Variants in MACROD2 observed in about 807,000 individuals in gnomAD.
MACROD2 encodes ADP-ribose glycohydrolase MACROD2.
In MACROD2, 36 loss-of-function variants were observed where a neutral mutation model predicts 70.4. The observed-to-expected ratio is 0.51, with a 90% CI of 0.39 to 0.68. The LOEUF is 0.68. MACROD2 is among the 30% of genes least tolerant of loss of function. The pLI is 0.00. For missense variants in MACROD2, 496 were observed against 538.4 expected (o/e 0.92, Z 0.78); for synonymous variants, 172 against 178.8 (o/e 0.96, Z 0.30).
chr20:14,513,168 A>G (rs2085049778), intron 4 of MACROD2, among the ~76,000 whole-genome samples: 1 of 152,118 alleles, frequency 6.6e-6, no homozygotes, highest in Non-Finnish European at 1.5e-5. Flanking sequence ...GCTTTTCATC[A>G]TTTGACATGA....
chr20:15,477,946 A>T (rs544723200), intron 7 of MACROD2, among the ~76,000 whole-genome samples: 2 of 152,312 alleles, frequency 1.3e-5, no homozygotes, highest in East Asian at 3.9e-4. Flanking sequence ...CAGTGACGTG[A>T]GGAAAAAGCC....
At chr20:14,529,609 G>T (rs917857856) in intron 4 of MACROD2, among the ~76,000 whole-genome samples, 1 of 152,204 alleles carries the variant, frequency 6.6e-6, no homozygotes, top group African/African-American at 2.4e-5. Flanking sequence ...TGAGCAGTCA[G>T]TGAAAATGGA....
intron 8 of MACROD2, among the ~76,000 whole-genome samples, chr20:15,586,828 AG>A (rs1477998567): frequency 2.6e-5 from 4 of 152,198 alleles, no homozygotes; most frequent in Non-Finnish European, 1.5e-5. Flanking sequence ...TGGAAACAGA[AG>A]CCCCATTTTT....
chr20:15,273,112 G>C (rs759219055), intron 6 of MACROD2, among the ~76,000 whole-genome samples: 1 of 152,162 alleles, frequency 6.6e-6, no homozygotes, highest in East Asian at 1.9e-4. Context: ...GTGTCTATGA[G>C]GATGTTGCCA....
intron 5 of MACROD2, among the ~76,000 whole-genome samples, chr20:14,983,512 G>A (rs539114228): frequency 6.6e-5 from 10 of 152,120 alleles, no homozygotes; most frequent in African/African-American, 1.9e-4. Context: ...ATGGGGGCGG[G>A]TCTTTCCTAT....
intron 3 of MACROD2, among the ~76,000 whole-genome samples, chr20:14,463,984 T>C (rs2084405963): frequency 6.6e-6 from 1 of 152,014 alleles, no homozygotes; most frequent in African/African-American, 2.4e-5. Context: ...AGGATATTGG[T>C]CTAAAATTCT....
At chr20:14,734,160 C>T (rs1168422001) in intron 5 of MACROD2, among the ~76,000 whole-genome samples, 2 of 151,792 alleles carry the variant, frequency 1.3e-5, no homozygotes, top group Non-Finnish European at 2.9e-5. Flanking sequence ...TTTTTTCAGC[C>T]AAGACCTCAC....
intron 4 of MACROD2, among the ~76,000 whole-genome samples, chr20:14,604,466 A>G (rs1982678453): frequency 6.6e-6 from 1 of 152,124 alleles, no homozygotes; most frequent in Admixed American, 6.5e-5. Flanking sequence ...TTCAATTCAC[A>G]TTTCCAGGTC....
rs548928021 is a variant in MACROD2, at chr20:14,999,695, GAAGTT to G, written c.419-230242_419-230238del. ...ACAAAAAGTTAAAAAGCAGGAGAAT[GAAGTT>G]AAAATGTAGAGTTTTTATTAGTTTT... is the stretch of plus-strand genomic sequence containing the variant. On this transcript the variant is annotated intron_variant, in intron 5 of 17. Coordinates refer to ENST00000684519, the MANE Select transcript of MACROD2 (RefSeq NM_001351661.2). Among the ~76,000 whole-genome samples, 251 of 152,296 alleles carry G rather than the reference GAAGTT, an allele frequency of 1.6e-3. 3 individuals carry two copies. Among genetic ancestry groups the G allele is most frequent in the African/African-American group, 5.6e-3 (231 of 41,564 alleles).
At chr20:14,082,382 CG>C (rs941509214) in intron 2 of MACROD2, among the ~76,000 whole-genome samples, 3 of 144,314 alleles carry the variant, frequency 2.1e-5, no homozygotes, top group African/African-American at 7.7e-5. Flanking sequence ...TTAGTAGAGA[CG>C]GAGTTTCACC....
At chr20:15,430,871 G>A (rs2046355840) in intron 6 of MACROD2, among the ~76,000 whole-genome samples, 1 of 151,894 alleles carries the variant, frequency 6.6e-6, no homozygotes, top group South Asian at 2.1e-4. Context: ...TGTATCAATA[G>A]CCAGTCTGTG....
At chr20:14,138,930 G>A (rs765488291) in intron 3 of MACROD2, among the ~76,000 whole-genome samples, 29 of 151,994 alleles carry the variant, frequency 1.9e-4, no homozygotes, top group Admixed American at 7.2e-4. Flanking sequence ...TCAATTATAC[G>A]TCAATAAAGC....
intron 5 of MACROD2, among the ~76,000 whole-genome samples, chr20:15,157,813 T>C (rs6034115): frequency 0.023 from 3,563 of 152,202 alleles, 145 homozygotes; most frequent in African/African-American, 0.082. Flanking sequence ...TAGTGGTGGC[T>C]GTATCCCTCT....
chr20:15,493,915 G>A (rs1008444950), intron 7 of MACROD2, among the ~76,000 whole-genome samples: 42 of 152,168 alleles, frequency 2.8e-4, no homozygotes, highest in African/African-American at 1.0e-3. Context: ...GTTATTTGAT[G>A]TGCTATGGAT....
At chr20:15,025,354 G>C (rs910164294) in intron 5 of MACROD2, among the ~76,000 whole-genome samples, 29 of 152,138 alleles carry the variant, frequency 1.9e-4, no homozygotes, top group African/African-American at 7.0e-4. Context: ...CTTCAGAAGA[G>C]GCAGCTCTGA....
intron 5 of MACROD2, among the ~76,000 whole-genome samples, chr20:14,770,406 T>TA (rs1405092495): frequency 6.6e-6 from 1 of 152,026 alleles, no homozygotes; most frequent in Non-Finnish European, 1.5e-5. Context: ...TTAGCTTTGG[T>TA]AAAAATAAAC....
intron 9 of MACROD2, among the ~76,000 whole-genome samples, chr20:15,876,901 C>T (rs1382901855): frequency 6.6e-6 from 1 of 152,022 alleles, no homozygotes; most frequent in African/African-American, 2.4e-5. Context: ...TGTTGGTCAG[C>T]CACATGTCTT....
At chr20:14,198,762 C>G (rs1017447461) in intron 3 of MACROD2, among the ~76,000 whole-genome samples, 1 of 152,088 alleles carries the variant, frequency 6.6e-6, no homozygotes, top group Non-Finnish European at 1.5e-5. Flanking sequence ...TTCTCTTCCT[C>G]TCTCCTTAAA....
intron 6 of MACROD2, among the ~76,000 whole-genome samples, chr20:15,359,686 AAACTTACATCCC>A (rs2078329715): frequency 6.6e-6 from 1 of 152,068 alleles, no homozygotes; most frequent in Non-Finnish European, 1.5e-5. Flanking sequence ...TGCACATGTA[AAACTTACATCCC>A]TTGTCACTAA....
Sources: allele counts gnomAD v4.1 joint callset (sites outside exome capture counted in the v4.1 genomes callset), GRCh38; gene constraint gnomAD v4.1.1; transcripts MANE v1.5; gene names NCBI Gene and HGNC (gene_info 2026-07-23, HGNC 2026-07-21).